SYT14: variants seen among roughly 807,000 people sequenced by gnomAD.
The protein encoded by SYT14 is synaptotagmin-14.
In SYT14, 32 loss-of-function variants were observed where a neutral mutation model predicts 74.2. That is an observed-to-expected ratio of 0.43 (90% CI 0.33 to 0.58). The LOEUF is 0.58. SYT14 is among the 20% of genes least tolerant of loss of function. The probability of loss-of-function intolerance (pLI) is 0.05; values close to 1 mark genes in which losing one functional copy is unlikely to be tolerated. For synonymous variants in SYT14, 298 were observed against 337.7 expected (o/e 0.88, Z 1.29); for missense variants, 791 against 981.8 (o/e 0.81, Z 2.60).
chr1:210,160,917 G>A (rs767652474), exon 10 of SYT14: 2 of 1,614,020 alleles, frequency 1.2e-6, no homozygotes, highest in Admixed American at 1.7e-5. Flanking sequence ...GAAAAGAAAA[G>A]AGATGATAGG....
chr1:210,075,283 A>T (rs1572255472), intron 5 of SYT14, among the ~76,000 whole-genome samples: 1 of 147,396 alleles, frequency 6.8e-6, no homozygotes, highest in African/African-American at 2.5e-5. Flanking sequence ...TCTTCTGCTG[A>T]TGTGTTCTTC....
In SYT14 at chr1:210,048,729, C is replaced by T. The variant is rs1008683418; in HGVS notation, c.1312+27475C>T. Among the ~76,000 whole-genome samples the T allele has an allele frequency of 3.3e-5, 5 of 152,292 alleles. No individual in the cohort carries two copies. In the East Asian group the frequency reaches 9.6e-4, roughly 29 times the overall value. ...CAATCATGCTTTCCCAACGGTCCCC[C>T]AGAGTCTTGTCTTATTTCAGCATTA... On this transcript the variant is annotated intron_variant, in intron 5 of 9. Transcript: ENST00000637265.
chr1:210,089,235 T>G (rs1433693195), intron 5 of SYT14, among the ~76,000 whole-genome samples: 1 of 152,230 alleles, frequency 6.6e-6, no homozygotes, highest in East Asian at 1.9e-4. Context: ...CTGCATAGTA[T>G]TCCATGGTGT....
intron 2 of SYT14, among the ~76,000 whole-genome samples, chr1:209,968,401 GGAGTAGTATCATATGGA>G (rs1432562320): frequency 6.6e-6 from 1 of 151,692 alleles, no homozygotes. Context: ...TACTCCATAT[GGAGTAGTATCATATGGA>G]GTAGTTTCAT....
intron 5 of SYT14, among the ~76,000 whole-genome samples, chr1:210,081,981 C>T (rs1449332525): frequency 6.6e-6 from 1 of 152,050 alleles, no homozygotes; most frequent in Non-Finnish European, 1.5e-5. Flanking sequence ...GGAAATTCCT[C>T]GATGCTATTT....
intron 5 of SYT14, among the ~76,000 whole-genome samples, chr1:210,048,205 A>AT (rs1356631431): frequency 6.6e-6 from 1 of 152,014 alleles, no homozygotes; most frequent in Non-Finnish European, 1.5e-5. Context: ...CACTCCTGTC[A>AT]TTTTTTATTT....
intron 1 of SYT14, among the ~76,000 whole-genome samples, chr1:209,943,115 A>T (rs1393743587): frequency 6.6e-6 from 1 of 152,164 alleles, no homozygotes; most frequent in Non-Finnish European, 1.5e-5. Context: ...AACCCAATAG[A>T]TTTACTTTTG....
intron 5 of SYT14, among the ~76,000 whole-genome samples, chr1:210,076,873 C>A (rs1363688636): frequency 6.6e-6 from 1 of 152,208 alleles, no homozygotes; most frequent in Non-Finnish European, 1.5e-5. Flanking sequence ...CACCTCCCAC[C>A]AGGTGCCTTC....
intron 1 of SYT14, among the ~76,000 whole-genome samples, chr1:209,943,162 C>G (rs1043995784): frequency 3.3e-5 from 5 of 152,026 alleles, no homozygotes; most frequent in Non-Finnish European, 7.4e-5. Flanking sequence ...CTTTTCTAAC[C>G]GACTACACAA....
intron 2 of SYT14, among the ~76,000 whole-genome samples, chr1:210,006,519 A>G (rs920569657): frequency 1.3e-5 from 2 of 151,944 alleles, no homozygotes; most frequent in Non-Finnish European, 2.9e-5. Context: ...GTTGACTTTG[A>G]TAGTTCACAT....
chr1:210,002,237 C>T (rs553723400), intron 2 of SYT14, among the ~76,000 whole-genome samples: 3 of 152,076 alleles, frequency 2.0e-5, no homozygotes, highest in East Asian at 3.9e-4. Flanking sequence ...AGTAGAATGC[C>T]GCCATTTCTT....
chr1:209,981,445 C>CTT (rs1268926232), intron 2 of SYT14, among the ~76,000 whole-genome samples: 3 of 86,122 alleles, frequency 3.5e-5, no homozygotes, highest in Non-Finnish European at 5.0e-5. Context: ...TTTTCTTTTT[C>CTT]TTTTCTTTTT....
At chr1:210,066,040 T>C (rs1353527419) in intron 5 of SYT14, among the ~76,000 whole-genome samples, 1 of 151,916 alleles carries the variant, frequency 6.6e-6, no homozygotes, top group Non-Finnish European at 1.5e-5. Flanking sequence ...TCCATGTCCC[T>C]ACAAAGGACA....
At chr1:209,968,990 A>G (rs143556178) in intron 2 of SYT14, among the ~76,000 whole-genome samples, 50 of 152,126 alleles carry the variant, frequency 3.3e-4, no homozygotes, top group African/African-American at 1.1e-3. Flanking sequence ...AAGTGAGAAT[A>G]TGTGGTATTT....
intron 7 of SYT14, among the ~76,000 whole-genome samples, chr1:210,143,659 G>A (rs1035426573): frequency 1.3e-5 from 2 of 151,976 alleles, no homozygotes; most frequent in Non-Finnish European, 2.9e-5. Context: ...AAACTGGGTC[G>A]GCAGGGGGCA....
At chr1:210,170,421 G>A (rs142456964) in exon 10 of SYT14, 1 of 152,046 alleles carries the variant, frequency 6.6e-6, no homozygotes, top group East Asian at 1.9e-4. Flanking sequence ...TTGTCTCGGT[G>A]CCTTTTTCCT....
chr1:209,960,891 G>A (rs2079066077), intron 2 of SYT14, among the ~76,000 whole-genome samples: 1 of 152,088 alleles, frequency 6.6e-6, no homozygotes, highest in Admixed American at 6.6e-5. Context: ...TACAAGGTGT[G>A]AGAGATGAAA....
intron 5 of SYT14, among the ~76,000 whole-genome samples, chr1:210,064,436 C>T (rs571437217): frequency 1.4e-4 from 21 of 151,982 alleles, no homozygotes; most frequent in South Asian, 2.1e-4. Context: ...TTTCCTCTAC[C>T]CCTTAGTCCT....
At chr1:210,078,827 G>A (rs1404228797) in intron 5 of SYT14, among the ~76,000 whole-genome samples, 1 of 151,378 alleles carries the variant, frequency 6.6e-6, no homozygotes, top group Non-Finnish European at 1.5e-5. Flanking sequence ...GCTCACTGTA[G>A]CCTCGACTTC....
Sources: gnomAD v4.1 joint callset for allele counts (sites outside exome capture counted in the v4.1 genomes callset) on GRCh38, gnomAD v4.1.1 for gene constraint, MANE v1.5 for transcripts, NCBI Gene and HGNC (gene_info 2026-07-23, HGNC 2026-07-21) for gene names.